The following PISD variants were observed in gnomAD, a reference collection of about 807,000 sequenced individuals.
PISD encodes the protein phosphatidylserine decarboxylase.
Under a neutral mutation model 43.5 loss-of-function variants are expected in PISD, and 31 were observed. The ratio of observed to expected loss-of-function variants is 0.71; its 90% CI spans 0.54 to 0.96. PISD has a LOEUF of 0.96. Ranked by LOEUF, PISD falls within the 40% of genes least tolerant of loss-of-function variation. The pLI is 0.00. For synonymous variants in PISD, 259 were observed against 228.7 expected (o/e 1.13, Z -1.20); for missense variants, 523 against 548.4 (o/e 0.95, Z 0.46).
chr22:31,656,810 T>A (rs2074192909), intron 1 of PISD, among the ~76,000 whole-genome samples: 1 of 151,984 alleles, frequency 6.6e-6, no homozygotes, highest in Non-Finnish European at 1.5e-5. Context: ...CTTTCCACAC[T>A]CCTCCATTTG....
chr22:31,659,864 G>A (rs779517380), intron 1 of PISD, among the ~76,000 whole-genome samples: 1 of 152,056 alleles, frequency 6.6e-6, no homozygotes, highest in Non-Finnish European at 1.5e-5. Context: ...TTACAGGCAT[G>A]CGCCACCGTG....
intron 3 of PISD, chr22:31,626,397 G>A (rs2072910978): frequency 6.5e-6 from 1 of 152,920 alleles, no homozygotes; most frequent in African/African-American, 2.4e-5. Flanking sequence ...GCCAGGACCT[G>A]ACCCATTTTC....
At position 31,621,956 on chromosome 22, in the gene PISD, T is replaced by TA. The variant is rs1452931776; in HGVS notation, c.322-72dup. On this transcript the variant is annotated intron_variant, in intron 3 of 7. Coordinates refer to ENST00000439502, the MANE Select transcript of PISD (RefSeq NM_001326411.2). ...CTCCAGAGAGCCCAAGTAGTGTCAT[T>TA]AGCCCAGCTCTCACTTCAGGGGAGA... is the stretch of plus-strand genomic sequence containing the variant. 4.3e-6 allele frequency: 5 copies of TA among 1,150,744 alleles called. No homozygotes were observed. The African/African-American group carries it at 7.5e-5, about 17-fold the overall frequency. 71.3% of individuals were successfully genotyped at this position (1,150,744 alleles called of 1,614,324 possible).
chr22:31,655,666 G>A (rs905743187), intron 1 of PISD, among the ~76,000 whole-genome samples: 4 of 150,874 alleles, frequency 2.7e-5, no homozygotes, highest in African/African-American at 9.8e-5. Context: ...ATGCAGTCTC[G>A]CTCCGTCACC....
intron 3 of PISD, among the ~76,000 whole-genome samples, chr22:31,640,880 G>GTTTTTTTTTTTT (rs1214973570): frequency 0.16 from 3,883 of 24,522 alleles, 1,525 homozygotes; most frequent in Middle Eastern, 0.38. Context: ...CACACCCGGT[G>GTTTTTTTTTTTT]TTTTTTTTTT....
chr22:31,661,323 C>G (rs1037551501), intron 1 of PISD, among the ~76,000 whole-genome samples: 7 of 152,204 alleles, frequency 4.6e-5, no homozygotes, highest in Non-Finnish European at 8.8e-5. Flanking sequence ...AGGAAACACA[C>G]AAGTATGGCG....
upstream of PISD, chr22:31,662,352 C>T (rs1002103750): frequency 2.6e-5 from 20 of 768,934 alleles, no homozygotes; most frequent in African/African-American, 2.4e-4. Flanking sequence ...GTGGCTACTC[C>T]CCACCTAACC....
At chr22:31,644,642 G>C (rs553916712) in intron 3 of PISD, among the ~76,000 whole-genome samples, 53 of 152,318 alleles carry the variant, frequency 3.5e-4, no homozygotes, top group African/African-American at 1.2e-3. Flanking sequence ...TGGAACCAGA[G>C]GTGGGATTAG....
At chr22:31,659,202 C>T (rs1569494280) in intron 1 of PISD, among the ~76,000 whole-genome samples, 1 of 152,104 alleles carries the variant, frequency 6.6e-6, no homozygotes, top group Non-Finnish European at 1.5e-5. Flanking sequence ...TGCCTATAGT[C>T]CTTATGTCTC....
Position 31,651,335 on chromosome 22 carries a change from A to G in PISD, c.66-557T>C, listed in dbSNP as rs548548321. Among the ~76,000 whole-genome samples the G allele has an allele frequency of 1.3e-4, 20 of 152,318 alleles. No individual in the cohort carries two copies. In the South Asian group the frequency reaches 3.1e-3, roughly 24 times the overall value. ...CTCAAGTGTCTCAGGAAAAGAATGTATATGTATACACACACATATACATAT... is the reference window on the plus strand; with the variant it reads ...CTCAAGTGTCTCAGGAAAAGAATGTGTATGTATACACACACATATACATAT... On this transcript the variant is annotated intron_variant, in intron 1 of 7. Coordinates refer to ENST00000439502, the MANE Select transcript of PISD (RefSeq NM_001326411.2).
At chr22:31,654,490 G>T (rs1196154406) in intron 1 of PISD, among the ~76,000 whole-genome samples, 1 of 152,106 alleles carries the variant, frequency 6.6e-6, no homozygotes, top group Non-Finnish European at 1.5e-5. Context: ...CTCTCAAACT[G>T]AGTCTGTAGA....
intron 3 of PISD, among the ~76,000 whole-genome samples, chr22:31,639,232 C>T (rs765401879): frequency 2.7e-5 from 4 of 150,086 alleles, no homozygotes; most frequent in Admixed American, 6.7e-5. Context: ...AGTGCAATGG[C>T]GCAGTCTCGG....
At chr22:31,645,439 G>A (rs931692471) in intron 3 of PISD, among the ~76,000 whole-genome samples, 10 of 150,816 alleles carry the variant, frequency 6.6e-5, no homozygotes, top group Admixed American at 2.0e-4. Context: ...GCGCAGTGGC[G>A]CACACCTATA....
chr22:31,637,965 C>T (rs1410567353), intron 3 of PISD, among the ~76,000 whole-genome samples: 1 of 152,258 alleles, frequency 6.6e-6, no homozygotes, highest in East Asian at 1.9e-4. Flanking sequence ...AGAAATAAGG[C>T]TCGGCCCCAG....
chr22:31,660,144 A>T lies in PISD; in HGVS notation c.65+2000T>A, dbSNP rs567419920. 1.6e-4 allele frequency among the ~76,000 whole-genome samples: 24 copies of T among 152,262 alleles called. No homozygotes were observed. The South Asian group carries it at 4.8e-3, about 30-fold the overall frequency. ...CACTGGTTTACTAAAAACCCACAGA[A>T]ATGTTATCTTTTTGGTTTGTGTATT... On this transcript the variant is annotated intron_variant, in intron 1 of 7. Transcript: ENST00000439502.
chr22:31,646,441 C>T (rs1315472859), intron 3 of PISD, among the ~76,000 whole-genome samples: 2 of 152,158 alleles, frequency 1.3e-5, no homozygotes, highest in Non-Finnish European at 2.9e-5. Flanking sequence ...TCTTCCAGGT[C>T]TGAAACTATG....
chr22:31,624,760 A>G (rs1006951947), intron 3 of PISD, among the ~76,000 whole-genome samples: 4 of 118,838 alleles, frequency 3.4e-5, no homozygotes, highest in South Asian at 2.8e-4. Context: ...CACACACGAG[A>G]CCCAAGCCCC....
At chr22:31,662,275 A>T, upstream of PISD, 1 of 1,502,692 alleles carries the variant, frequency 6.7e-7, no homozygotes, top group South Asian at 1.1e-5. Flanking sequence ...AGGCGTCACG[A>T]GTCTCGAGTT....
chr22:31,625,725 G>T, intron 3 of PISD: 1 of 1,564,260 alleles, frequency 6.4e-7, no homozygotes, highest in Non-Finnish European at 8.7e-7. Context: ...GTCGTGGCGG[G>T]GAACCGTGGG....
Sources: allele counts gnomAD v4.1 joint callset (sites outside exome capture counted in the v4.1 genomes callset), GRCh38; gene constraint gnomAD v4.1.1; transcripts MANE v1.5; gene names NCBI Gene and HGNC (gene_info 2026-07-23, HGNC 2026-07-21).